The following GALNT16 variants were observed in gnomAD, a reference collection of about 807,000 sequenced individuals.
GALNT16 encodes the protein UDP-GalNAc:polypeptide N-acetylgalactosaminyltransferase-like protein 1.
A neutral mutation model predicts 76.1 loss-of-function variants in GALNT16; 40 were observed. The ratio of observed to expected loss-of-function variants is 0.53; its 90% CI spans 0.41 to 0.68. The LOEUF is 0.68. Ranked by LOEUF, GALNT16 falls within the 30% of genes least tolerant of loss-of-function variation. The probability of loss-of-function intolerance (pLI) is 0.00; values close to 1 mark genes in which losing one functional copy is unlikely to be tolerated. For missense variants in GALNT16, 621 were observed against 731.9 expected, an observed-to-expected ratio of 0.85 and a Z score of 1.75; for synonymous variants, 276 against 285.2, an observed-to-expected ratio of 0.97 and a Z score of 0.32.
At chr14:69,276,449 G>C (rs983335838) in intron 1 of GALNT16, among the ~76,000 whole-genome samples, 2 of 152,198 alleles carry the variant, frequency 1.3e-5, no homozygotes, top group African/African-American at 4.8e-5. Context: ...TTGGGAGGCC[G>C]AGGTGGGCGG....
chr14:69,317,825 A>C (rs1594846343), intron 1 of GALNT16, among the ~76,000 whole-genome samples: 1 of 152,338 alleles, frequency 6.6e-6, no homozygotes, highest in East Asian at 1.9e-4. Flanking sequence ...TCAAGATCAA[A>C]GAATGGGGCT....
the GALNT16 span, among the ~76,000 whole-genome samples, chr14:69,383,319 T>G: frequency 6.6e-6 from 1 of 152,218 alleles, no homozygotes; most frequent in Non-Finnish European, 1.5e-5. Context: ...CCACCTACGC[T>G]GTTTAAAAAG....
At chr14:69,322,490 A>G (rs954370119) in intron 2 of GALNT16, among the ~76,000 whole-genome samples, 8 of 152,194 alleles carry the variant, frequency 5.3e-5, no homozygotes, top group Admixed American at 3.9e-4. Flanking sequence ...TGAGAAACTT[A>G]AAGGGGGAAT....
chr14:69,324,758 G>C lies in GALNT16; in HGVS notation c.402G>C (p.Glu134Asp), dbSNP rs369788952. The C allele has an allele frequency of 1.9e-6, 3 of 1,612,934 alleles. No homozygotes were observed. The highest frequency in any genetic ancestry group is 2.5e-6 in the Non-Finnish European group (3 of 1,179,228). ...ATSVIITFHN[E>D]ARSTLLRTVK... ...GCGTCATCATCACCTTCCACAATGA[G>C]GCCCGTTCCACCCTGCTGCGCACAG... Residue 134 changes from glutamate to aspartate, a missense_variant, in exon 3 of 15, where the codon GAG (glutamate) becomes GAC (aspartate). By Grantham distance (45) the Glu-to-Asp change is conservative. Transcript: ENST00000448469.
chr14:69,328,639 C>G lies in GALNT16; in HGVS notation c.690+68C>G. ...AGCCACTACGTTCCTGGCACCGAGG[C>G]CTATGGGACAGTATTTGAAGCTGGG... On this transcript the variant is annotated intron_variant, in intron 6 of 14. Coordinates refer to ENST00000448469, the MANE Select transcript of GALNT16 (RefSeq NM_001168368.2). The G allele has an allele frequency of 3.3e-6, 5 of 1,518,408 alleles. No individual in the cohort carries two copies. The South Asian group carries it at 6.0e-5, about 18-fold the overall frequency. The allele number at this position is 1,518,408 out of a possible 1,614,324, so 94.1% of individuals were successfully genotyped here.
the GALNT16 span, among the ~76,000 whole-genome samples, chr14:69,373,754 TTCTTTCTCTCTC>T: frequency 1.3e-5 from 2 of 151,862 alleles, no homozygotes; most frequent in African/African-American, 2.4e-5. Context: ...CTTTGTTCTT[TTCTTTCTCTCTC>T]TCTTTCTCTC....
chr14:69,333,048 G>A lies in GALNT16; in HGVS notation c.779-37G>A. The A allele has an allele frequency of 6.8e-7, 1 of 1,476,692 alleles. No individual in the cohort carries two copies. The allele number at this position is 1,476,692 out of a possible 1,614,324, so 91.5% of individuals were successfully genotyped here. A position where few individuals can be genotyped will look rare whatever the true frequency, so the allele number is the denominator to read the frequency against. The stretch of plus-strand genomic sequence containing the variant: ...AAGGGTCTCAGCAGCCCGCAGCTCT[G>A]CCCTGAGCTCTGTCCTCACCTTGCT... On this transcript the variant is annotated intron_variant, in intron 7 of 14. Coordinates refer to ENST00000448469, the MANE Select transcript of GALNT16 (RefSeq NM_001168368.2). This position sits in a 1 kb window ranked among gnomAD's most constrained non-coding sequence, Gnocchi z 4.2.
intron 1 of GALNT16, among the ~76,000 whole-genome samples, chr14:69,279,613 G>A (rs1303305666): frequency 7.2e-5 from 11 of 152,270 alleles, no homozygotes; most frequent in Non-Finnish European, 1.6e-4. Flanking sequence ...GTAAGGGACT[G>A]AGTGGGTGTG....
At chr14:69,371,806 TG>T in the GALNT16 span, among the ~76,000 whole-genome samples, 1 of 151,144 alleles carries the variant, frequency 6.6e-6, no homozygotes, top group Non-Finnish European at 1.5e-5. Flanking sequence ...TAACCGGGCG[TG>T]GTGGCGTGAG....
At chr14:69,365,607 A>G in the GALNT16 span, among the ~76,000 whole-genome samples, 1 of 152,118 alleles carries the variant, frequency 6.6e-6, no homozygotes, top group Non-Finnish European at 1.5e-5. Flanking sequence ...GGAACAACAC[A>G]CTCTGCAGCC....
chr14:69,381,097 C>T, the GALNT16 span, among the ~76,000 whole-genome samples: 1 of 152,158 alleles, frequency 6.6e-6, no homozygotes, highest in Non-Finnish European at 1.5e-5. Flanking sequence ...GCCTGGCCAA[C>T]ATGGTGAAAC....
the GALNT16 span, among the ~76,000 whole-genome samples, chr14:69,368,372 G>T: frequency 6.6e-6 from 1 of 152,180 alleles, no homozygotes; most frequent in Non-Finnish European, 1.5e-5. Context: ...GTTGCAATCA[G>T]TGTGTCAAGC....
intron 11 of GALNT16, among the ~76,000 whole-genome samples, chr14:69,340,665 TA>T (rs1254164661): frequency 1.3e-5 from 2 of 152,128 alleles, no homozygotes; most frequent in Non-Finnish European, 2.9e-5. Flanking sequence ...TTTGTGTTTT[TA>T]ATAGAGATGG....
At chr14:69,310,949 T>C (rs2045010813) in intron 1 of GALNT16, among the ~76,000 whole-genome samples, 1 of 152,154 alleles carries the variant, frequency 6.6e-6, no homozygotes, top group South Asian at 2.1e-4. Context: ...AATAGTATTA[T>C]CCCTCTTTCC....
chr14:69,343,211 C>T (rs910322167), intron 12 of GALNT16, among the ~76,000 whole-genome samples: 3 of 152,236 alleles, frequency 2.0e-5, no homozygotes, highest in African/African-American at 7.2e-5. Context: ...CTCAAGGATG[C>T]TGCCATGGCT....
At chr14:69,335,014 C>T (rs1362579675) in intron 9 of GALNT16, among the ~76,000 whole-genome samples, 1 of 152,168 alleles carries the variant, frequency 6.6e-6, no homozygotes, top group Non-Finnish European at 1.5e-5. Flanking sequence ...GTATCTCACC[C>T]ATTTGACAGG....
chr14:69,361,910 G>A (rs1302133191), downstream of GALNT16, among the ~76,000 whole-genome samples: 1 of 152,190 alleles, frequency 6.6e-6, no homozygotes, highest in Admixed American at 6.5e-5. Context: ...AGGAGGCTGA[G>A]GCAGGAAAAA....
chr14:69,283,877 G>A (rs1368342308), intron 1 of GALNT16, among the ~76,000 whole-genome samples: 1 of 152,158 alleles, frequency 6.6e-6, no homozygotes, highest in Non-Finnish European at 1.5e-5. Flanking sequence ...CCTACTATGT[G>A]TCATGAACTG....
At chr14:69,346,178 G>T (rs2045561990) in intron 12 of GALNT16, among the ~76,000 whole-genome samples, 2 of 152,064 alleles carry the variant, frequency 1.3e-5, no homozygotes, top group South Asian at 4.1e-4. Flanking sequence ...ACAGGTGTGG[G>T]CTACCATGCC....
Sources: allele counts gnomAD v4.1 joint callset (sites outside exome capture counted in the v4.1 genomes callset), GRCh38; gene constraint gnomAD v4.1.1; non-coding constraint Gnocchi (gnomAD v3.1); transcripts MANE v1.5; gene names NCBI Gene and HGNC (gene_info 2026-07-23, HGNC 2026-07-21).